The following IMMP2L variants were observed in gnomAD, a reference collection of about 807,000 sequenced individuals.
IMMP2L encodes the protein inner mitochondrial membrane peptidase subunit 2, also known as mitochondrial inner membrane protease subunit 2.
A neutral mutation model predicts 19.3 loss-of-function variants in IMMP2L; 18 were observed. That is an observed-to-expected ratio of 0.93 (90% CI 0.64 to 1.38). The LOEUF (loss-of-function observed/expected upper bound fraction) is 1.38. IMMP2L is among the 40% of genes most tolerant of loss of function. The pLI, the probability that IMMP2L is intolerant of heterozygous loss-of-function variation, is 0.00. For missense variants in IMMP2L, 233 were observed against 218.2 expected, an observed-to-expected ratio of 1.07 and a Z score of -0.43; for synonymous variants, 76 against 73.0, an observed-to-expected ratio of 1.04 and a Z score of -0.21.
At chr7:111,119,680 C>A (rs1408980640) in intron 3 of IMMP2L, among the ~76,000 whole-genome samples, 1 of 152,140 alleles carries the variant, frequency 6.6e-6, no homozygotes, top group African/African-American at 2.4e-5. Context: ...AGGATGCATA[C>A]AGGATTCTAC....
At chr7:110,734,312 T>C (rs1434845042) in intron 5 of IMMP2L, among the ~76,000 whole-genome samples, 1 of 152,186 alleles carries the variant, frequency 6.6e-6, no homozygotes, top group Non-Finnish European at 1.5e-5. Context: ...AAACAACTTA[T>C]TGGAAACTGG....
At chr7:111,006,574 T>A (rs1310183186) in intron 3 of IMMP2L, among the ~76,000 whole-genome samples, 2 of 152,162 alleles carry the variant, frequency 1.3e-5, no homozygotes, top group African/African-American at 4.8e-5. Context: ...ATTTCCCTGC[T>A]TTCCTATTTC....
intron 3 of IMMP2L, among the ~76,000 whole-genome samples, chr7:111,469,868 A>G (rs1841057757): frequency 6.6e-6 from 1 of 152,130 alleles, no homozygotes; most frequent in South Asian, 2.1e-4. Flanking sequence ...GCCAAAATTG[A>G]CAAATGGGAT....
chr7:111,469,972 TCATCTGACAAAG>T (rs1841074020), intron 3 of IMMP2L, among the ~76,000 whole-genome samples: 2 of 152,014 alleles, frequency 1.3e-5, no homozygotes, highest in Admixed American at 6.6e-5. Context: ...CGCAAGCTAC[TCATCTGACAAAG>T]GGCTAATATC....
intron 3 of IMMP2L, among the ~76,000 whole-genome samples, chr7:111,341,315 G>T (rs1471494633): frequency 6.6e-6 from 1 of 152,130 alleles, no homozygotes; most frequent in South Asian, 2.1e-4. Flanking sequence ...ATGAGCCACT[G>T]TTCTAGGCAC....
At chr7:110,754,081 C>A (rs970048968) in intron 5 of IMMP2L, among the ~76,000 whole-genome samples, 1 of 151,914 alleles carries the variant, frequency 6.6e-6, no homozygotes, top group Admixed American at 6.6e-5. Context: ...TTCCTGTCCT[C>A]TTTTCAAGAT....
chr7:111,436,593 C>G (rs962112895), intron 3 of IMMP2L, among the ~76,000 whole-genome samples: 1 of 151,380 alleles, frequency 6.6e-6, no homozygotes, highest in East Asian at 1.9e-4. Context: ...TGTAAAAAAT[C>G]AAAATAAAGT....
rs76643142 is a variant in IMMP2L at position 111,468,919 on chromosome 7, A to C, written c.239+18319T>G. Among the ~76,000 whole-genome samples, 1,419 of 152,168 alleles carry C rather than the reference A, an allele frequency of 9.3e-3. 15 individuals carry two copies. Among genetic ancestry groups the C allele is most frequent in the African/African-American group, 0.032 (1,347 of 41,514 alleles). On this transcript the variant is annotated intron_variant, in intron 3 of 5. Coordinates refer to ENST00000405709, the MANE Select transcript of IMMP2L (RefSeq NM_032549.4). Reference sequence around the variant, plus strand: ...TCAAAATAGTAACCAGAAGAAGAAAAAAAGTTTGGTATGGGCTAGGTTGGG... The same window carrying C: ...TCAAAATAGTAACCAGAAGAAGAAACAAAGTTTGGTATGGGCTAGGTTGGG...
intron 3 of IMMP2L, among the ~76,000 whole-genome samples, chr7:111,241,932 T>C (rs1176759916): frequency 6.6e-6 from 1 of 151,960 alleles, no homozygotes; most frequent in Non-Finnish European, 1.5e-5. Context: ...AAACATGTTG[T>C]TAAAGTTTAA....
chr7:110,668,045 T>C (rs1050695536), intron 5 of IMMP2L, among the ~76,000 whole-genome samples: 3 of 152,194 alleles, frequency 2.0e-5, no homozygotes, highest in East Asian at 3.8e-4. Context: ...GCACCTTGCT[T>C]TTACTCTCAA....
chr7:111,234,735 G>GT (rs1008648687), intron 3 of IMMP2L, among the ~76,000 whole-genome samples: 1 of 151,632 alleles, frequency 6.6e-6, no homozygotes, highest in Non-Finnish European at 1.5e-5. Context: ...TTTAACTGTT[G>GT]TTTTAGTGGT....
chr7:111,430,525 A>G (rs1395045348), intron 3 of IMMP2L, among the ~76,000 whole-genome samples: 4 of 151,814 alleles, frequency 2.6e-5, no homozygotes, highest in South Asian at 2.1e-4. Context: ...ATAAATAATT[A>G]TAAATAAAAT....
chr7:110,949,284 T>G (rs1231659645), intron 4 of IMMP2L, among the ~76,000 whole-genome samples: 1 of 152,194 alleles, frequency 6.6e-6, no homozygotes, highest in Non-Finnish European at 1.5e-5. Context: ...ATCTTCATGG[T>G]CTAGGTGTAC....
chr7:111,272,800 A>G (rs1818609072), intron 3 of IMMP2L, among the ~76,000 whole-genome samples: 1 of 152,120 alleles, frequency 6.6e-6, no homozygotes, highest in Non-Finnish European at 1.5e-5. Flanking sequence ...CAAAATTGGC[A>G]ATTGGCAGAA....
At chr7:111,516,072 A>T (rs771219067) in intron 2 of IMMP2L, among the ~76,000 whole-genome samples, 11 of 152,278 alleles carry the variant, frequency 7.2e-5, no homozygotes, top group Non-Finnish European at 1.5e-4. Flanking sequence ...GAGCTTACGT[A>T]AAGTACCTCA....
At chr7:110,869,732 T>C (rs2129543689) in intron 5 of IMMP2L, among the ~76,000 whole-genome samples, 1 of 152,210 alleles carries the variant, frequency 6.6e-6, no homozygotes, top group South Asian at 2.1e-4. Flanking sequence ...CTAATACACA[T>C]GAAAATTTGG....
At chr7:110,749,133 A>T (rs1584712224) in intron 5 of IMMP2L, among the ~76,000 whole-genome samples, 1 of 152,328 alleles carries the variant, frequency 6.6e-6, no homozygotes, top group East Asian at 1.9e-4. Flanking sequence ...CAACCAACAA[A>T]CATATGAAAC....
intron 3 of IMMP2L, among the ~76,000 whole-genome samples, chr7:111,092,157 C>A (rs1423190134): frequency 6.6e-6 from 1 of 152,160 alleles, no homozygotes; most frequent in African/African-American, 2.4e-5. Context: ...TAAATGACTT[C>A]CCTTTAATAA....
At chr7:111,308,476 T>C (rs1823130793) in intron 3 of IMMP2L, among the ~76,000 whole-genome samples, 1 of 151,948 alleles carries the variant, frequency 6.6e-6, no homozygotes, top group South Asian at 2.1e-4. Flanking sequence ...CATCTTAATG[T>C]AATATGCTTT....
Sources: allele counts gnomAD v4.1 joint callset (sites outside exome capture counted in the v4.1 genomes callset), GRCh38; gene constraint gnomAD v4.1.1; transcripts MANE v1.5; gene names NCBI Gene and HGNC (gene_info 2026-07-23, HGNC 2026-07-21).